The following VAV1 variants were observed in gnomAD, a reference collection of about 807,000 sequenced individuals.
VAV1 encodes the protein proto-oncogene vav.
A neutral mutation model predicts 128.1 loss-of-function variants in VAV1; 33 were observed. The ratio of observed to expected loss-of-function variants is 0.26; its 90% CI spans 0.20 to 0.34. The LOEUF (loss-of-function observed/expected upper bound fraction) is 0.34. Among genes scored for constraint, VAV1 ranks in the 10% least tolerant of loss-of-function variants. VAV1 has a pLI of 1.00. For missense variants in VAV1, 715 were observed against 1,093.7 expected (o/e 0.65, Z 4.88); for synonymous variants, 394 against 409.8 (o/e 0.96, Z 0.47).
At chr19:6,847,917 G>T in intron 22 of VAV1, 81 bp from the exon 23 acceptor site, 3 of 1,313,078 alleles carry the variant, frequency 2.3e-6, no homozygotes, top group South Asian at 3.6e-5. Flanking sequence ...GGGGTTCAGG[G>T]GGAAAGGCAA....
intron 1 of VAV1, among the ~76,000 whole-genome samples, chr19:6,804,078 G>C (rs972011703): frequency 6.6e-6 from 1 of 152,102 alleles, no homozygotes; most frequent in African/African-American, 2.4e-5. Context: ...TAGTGGAAAG[G>C]GGGTATGGAT....
At chr19:6,821,726 C>A in intron 3 of VAV1, 46 bp downstream of exon 3, 1 of 1,613,950 alleles carries the variant, frequency 6.2e-7, no homozygotes, top group Non-Finnish European at 8.5e-7. Flanking sequence ...CAGTCCTCCC[C>A]CTCCCTGAAG....
chr19:6,805,298 A>G (rs1971367082), intron 1 of VAV1, among the ~76,000 whole-genome samples: 1 of 151,526 alleles, frequency 6.6e-6, no homozygotes, highest in Non-Finnish European at 1.5e-5. Context: ...GGTGGCACAC[A>G]CCTGTGATCC....
intron 22 of VAV1, among the ~76,000 whole-genome samples, chr19:6,844,065 T>TCTC (rs1568316160): frequency 5.5e-5 from 2 of 36,644 alleles, no homozygotes; most frequent in African/African-American, 1.1e-4. Flanking sequence ...TTCTTCTTCT[T>TCTC]TTTTTTTTTT....
At chr19:6,795,765 C>T (rs1971119680) in intron 1 of VAV1, among the ~76,000 whole-genome samples, 1 of 152,140 alleles carries the variant, frequency 6.6e-6, no homozygotes, top group Non-Finnish European at 1.5e-5. Context: ...CTCACTGCAA[C>T]CTCCGCCTCC....
chr19:6,801,179 AG>A (rs1224621467), intron 1 of VAV1, among the ~76,000 whole-genome samples: 2 of 152,236 alleles, frequency 1.3e-5, no homozygotes, highest in African/African-American at 4.8e-5. Flanking sequence ...CTTGGCATAC[AG>A]TAGGCATTCC....
intron 1 of VAV1, 136 bp downstream of exon 1, chr19:6,773,147 G>C (rs1457923468): frequency 8.4e-7 from 1 of 1,197,232 alleles, no homozygotes; most frequent in Non-Finnish European, 1.2e-6. Context: ...TCCAGGGCTG[G>C]CCCAGGGGGT....
At chr19:6,835,847 G>A (rs1972208816) in intron 19 of VAV1, 1 of 144,890 alleles carries the variant, frequency 6.9e-6, no homozygotes, top group Admixed American at 6.6e-5. Context: ...AACTTTTGAA[G>A]GACTTTTTTT....
Position 6,814,663 on chromosome 19 carries a change from C to CCTTCCTTCCTTCCTTTCTTT in VAV1, c.205-6028_205-6027insCCTTTCTTTCTTCCTTCCTT, listed in dbSNP as rs1971585534. Among the ~76,000 whole-genome samples, 21 of 26,558 alleles carry CCTTCCTTCCTTCCTTTCTTT rather than the reference C, an allele frequency of 7.9e-4. 1 individual carries two copies. Among genetic ancestry groups the CCTTCCTTCCTTCCTTTCTTT allele is most frequent in the African/African-American group, 5.1e-3 (20 of 3,912 alleles). The allele number at this position is 26,558 out of a possible 152,430, so 17.4% of individuals were successfully genotyped here. A position where few individuals can be genotyped will look rare whatever the true frequency, so the allele number is the denominator to read the frequency against. ...TCCTTCCTTCCTTCCTTCCTTCCTTCCTTCCTTCCTTTCTTTCTTTCTTTC... is the reference window on the plus strand; with the variant it reads ...TCCTTCCTTCCTTCCTTCCTTCCTTCCTTCCTTCCTTCCTTTCTTTCTTCCTTCCTTTCTTTCTTTCTTTC... On this transcript the variant is annotated intron_variant, in intron 1 of 26. Coordinates refer to ENST00000602142, the MANE Select transcript of VAV1 (RefSeq NM_005428.4).
chr19:6,843,137 C>G lies in VAV1; in HGVS notation c.1983C>G (p.Gly661=). The change falls in exon 22 of 27, where the codon GGC becomes GGG. Residue 661 remains glycine, a splice_region_variant and synonymous_variant. Coordinates refer to ENST00000602142, the MANE Select transcript of VAV1 (RefSeq NM_005428.4). ...PCNRVKPYVH[G]PPQDLSVHLW... Reference sequence around the variant, plus strand: ...GGGGTCTCTCTCTGTATTCTTAGGGCCCTCCTCAGGACCTGTCTGTTCATC... The same window carrying G: ...GGGGTCTCTCTCTGTATTCTTAGGGGCCTCCTCAGGACCTGTCTGTTCATC... 1 of 1,614,120 alleles carries G rather than the reference C, an allele frequency of 6.2e-7. No individual in the cohort carries two copies. Among genetic ancestry groups the G allele is most frequent in the South Asian group, 1.1e-5 (1 of 91,078 alleles).
rs575805019 is a variant in VAV1 at position 6,777,074 on chromosome 19, A to T, written c.204+4063A>T. Among the ~76,000 whole-genome samples the T allele has an allele frequency of 1.5e-4, 22 of 151,318 alleles. No homozygotes were observed. Among genetic ancestry groups the T allele is most frequent in the African/African-American group, 5.1e-4 (21 of 41,176 alleles). On this transcript the variant is annotated intron_variant, in intron 1 of 26. Transcript: ENST00000602142. The surrounding 1 kb of genome is among the most constrained non-coding windows in gnomAD (Gnocchi z 4.4). ...CGGCCCATCCATTCATCTATCTATC[A>T]TCCACCTGCCCACCCACCCATCCAT...
Position 6,822,571 on chromosome 19 carries a change from G to A in VAV1, c.654+57G>A, listed in dbSNP as rs1013566320. On this transcript the variant is annotated intron_variant, in intron 6 of 26. Coordinates refer to ENST00000602142, the MANE Select transcript of VAV1 (RefSeq NM_005428.4). This position sits in a 1 kb window ranked among gnomAD's most constrained non-coding sequence, Gnocchi z 5.9. ...GCATGCGCGGGAGCTGGGCCGGCAGGTGCACGTCCACCTGTCCGGCCGCTC... is the reference window on the plus strand; with the variant it reads ...GCATGCGCGGGAGCTGGGCCGGCAGATGCACGTCCACCTGTCCGGCCGCTC... The A allele has an allele frequency of 1.1e-4, 165 of 1,492,998 alleles. 1 individual carries two copies. The South Asian group carries it at 1.9e-3, about 17-fold the overall frequency. The allele number at this position is 1,492,998 out of a possible 1,614,324, so 92.5% of individuals were successfully genotyped here. A position where few individuals can be genotyped will look rare whatever the true frequency, so the allele number is the denominator to read the frequency against.
At chr19:6,821,980 C>G in intron 4 of VAV1, 121 bp downstream of exon 4, 1 of 1,373,784 alleles carries the variant, frequency 7.3e-7, no homozygotes. Flanking sequence ...CTGGGGCACA[C>G]AACCTTGCCT....
At chr19:6,784,209 G>A in intron 1 of VAV1, 1 of 651,398 alleles carries the variant, frequency 1.5e-6, no homozygotes, top group Non-Finnish European at 2.8e-6. Context: ...AGCTATGATT[G>A]TGCTACCACT....
intron 21 of VAV1, 145 bp downstream of exon 21, chr19:6,837,195 A>G: frequency 1.3e-6 from 1 of 758,848 alleles, no homozygotes; most frequent in Non-Finnish European, 2.1e-6. Context: ...GGCTTCACCC[A>G]CCCCACCAAC....
At chr19:6,816,178 C>T (rs1306397607) in intron 1 of VAV1, among the ~76,000 whole-genome samples, 2 of 152,050 alleles carry the variant, frequency 1.3e-5, no homozygotes, top group Non-Finnish European at 2.9e-5. Flanking sequence ...CACCACCACG[C>T]CCAGCTAATT....
intron 19 of VAV1, among the ~76,000 whole-genome samples, chr19:6,834,528 C>G (rs1332888736): frequency 6.7e-6 from 1 of 150,168 alleles, no homozygotes; most frequent in East Asian, 1.9e-4. Context: ...CAAGCGTGAG[C>G]CACTGTGCCC....
intron 1 of VAV1, among the ~76,000 whole-genome samples, chr19:6,795,486 T>A (rs1006477492): frequency 6.6e-6 from 1 of 151,990 alleles, no homozygotes; most frequent in Non-Finnish European, 1.5e-5. Context: ...ATTTATTTAT[T>A]TATTTATTGA....
At chr19:6,842,216 G>A (rs550174359) in intron 21 of VAV1, among the ~76,000 whole-genome samples, 1 of 151,830 alleles carries the variant, frequency 6.6e-6, no homozygotes, top group East Asian at 2.0e-4. Context: ...GGCAATAAGA[G>A]CAAAACTCTG....
Sources: gnomAD v4.1 joint callset for allele counts (sites outside exome capture counted in the v4.1 genomes callset) on GRCh38, gnomAD v4.1.1 for gene constraint, Gnocchi (gnomAD v3.1) non-coding constraint, MANE v1.5 for transcripts, NCBI Gene and HGNC (gene_info 2026-07-23, HGNC 2026-07-21) for gene names.